Variants in ADARB1 observed in about 807,000 individuals in gnomAD.
ADARB1 encodes the protein double-stranded RNA-specific editase 1.
In ADARB1, 10 loss-of-function variants were observed where a neutral mutation model predicts 52.4. The ratio of observed to expected loss-of-function variants is 0.19; its 90% CI spans 0.12 to 0.32. The LOEUF is 0.32. Ranked by LOEUF, ADARB1 falls within the 10% of genes least tolerant of loss-of-function variation. The probability of loss-of-function intolerance (pLI) is 1.00; values close to 1 mark genes in which losing one functional copy is unlikely to be tolerated. For missense variants in ADARB1, 643 were observed against 922.3 expected, an observed-to-expected ratio of 0.70 and a Z score of 3.92; for synonymous variants, 349 against 371.1, an observed-to-expected ratio of 0.94 and a Z score of 0.68.
chr21:45,225,081 T>G lies in ADARB1; in HGVS notation c.*2884T>G. ...AAGAGAGGGCTTCTGTTGTTTTGTT[T>G]TGTTTTGTTTTGTTAACTAAACCTG... On this transcript the variant is annotated 3_prime_UTR_variant, in exon 11 of 11. Transcript: ENST00000348831. 1.0e-6 allele frequency: 1 copy of G among 986,766 alleles called. No homozygotes were observed. Among genetic ancestry groups the G allele is most frequent in the Non-Finnish European group, 1.2e-6 (1 of 832,262 alleles). 61.1% of individuals were successfully genotyped at this position (986,766 alleles called of 1,614,324 possible).
chr21:45,140,109 A>C (rs963537915), intron 2 of ADARB1, among the ~76,000 whole-genome samples: 1 of 151,906 alleles, frequency 6.6e-6, no homozygotes, highest in Non-Finnish European at 1.5e-5. Flanking sequence ...ATGCCCGGCT[A>C]ATTTTGTATT....
At chr21:45,149,775 C>T (rs906810518) in intron 2 of ADARB1, among the ~76,000 whole-genome samples, 20 of 152,208 alleles carry the variant, frequency 1.3e-4, no homozygotes, top group Non-Finnish European at 2.6e-4. Context: ...TAAGCATTTT[C>T]GGATAATGCT....
chr21:45,189,473 G>A (rs2092218601), intron 8 of ADARB1, among the ~76,000 whole-genome samples: 1 of 151,964 alleles, frequency 6.6e-6, no homozygotes, highest in Non-Finnish European at 1.5e-5. Context: ...TAAATTTTAT[G>A]CACCAAAATT....
chr21:45,135,568 C>T (rs557674996), intron 2 of ADARB1, among the ~76,000 whole-genome samples: 31 of 152,150 alleles, frequency 2.0e-4, no homozygotes, highest in African/African-American at 6.0e-4. Flanking sequence ...ACCTCAAAAC[C>T]GTGAGCGGTA....
Position 45,170,110 on chromosome 21 carries a change from G to A in ADARB1, c.-47-1500G>A, listed in dbSNP as rs1251856193. ...TATCAAGAACTCTGCATGCCCGTCA[G>A]CCACATCAGTAATTACCAACCAGGG... On this transcript the variant is annotated intron_variant, in intron 2 of 10. Coordinates refer to ENST00000348831, the MANE Select transcript of ADARB1 (RefSeq NM_001112.4). Among the ~76,000 whole-genome samples, 25 of 152,190 alleles carry A rather than the reference G, an allele frequency of 1.6e-4. 1 individual carries two copies. Among genetic ancestry groups the A allele is most frequent in the Admixed American group, 1.6e-3 (24 of 15,286 alleles).
intron 8 of ADARB1, among the ~76,000 whole-genome samples, chr21:45,199,356 A>G (rs966600750): frequency 6.6e-6 from 1 of 152,060 alleles, no homozygotes; most frequent in Non-Finnish European, 1.5e-5. Context: ...ACAGGGCTCC[A>G]CTCGCTATGG....
intron 1 of ADARB1, among the ~76,000 whole-genome samples, chr21:45,080,238 C>G (rs1465499366): frequency 2.0e-5 from 3 of 152,036 alleles, no homozygotes. Flanking sequence ...CTGGAGGGGA[C>G]ATGGGTACAG....
At chr21:45,120,194 G>C (rs1048049175) in intron 1 of ADARB1, among the ~76,000 whole-genome samples, 6 of 152,218 alleles carry the variant, frequency 3.9e-5, no homozygotes, top group African/African-American at 1.4e-4. Flanking sequence ...CCAAAGAAAG[G>C]ATTGGGTTTT....
At chr21:45,171,369 G>A (rs79843064) in intron 2 of ADARB1, among the ~76,000 whole-genome samples, 10,109 of 152,196 alleles carry the variant, frequency 0.066, 495 homozygotes, top group East Asian at 0.15. Flanking sequence ...GAGAATCCAC[G>A]CGAGACGTCC....
chr21:45,110,784 C>A (rs1204256443), intron 1 of ADARB1, among the ~76,000 whole-genome samples: 3 of 152,126 alleles, frequency 2.0e-5, no homozygotes, highest in African/African-American at 4.8e-5. Flanking sequence ...ATCTCATGGA[C>A]AGAAAGCCAA....
At chr21:45,078,682 C>A (rs1294483141) in intron 1 of ADARB1, among the ~76,000 whole-genome samples, 3 of 152,194 alleles carry the variant, frequency 2.0e-5, no homozygotes, top group African/African-American at 7.2e-5. Flanking sequence ...TGGAGGAGAG[C>A]TGCATCTTGG....
intron 1 of ADARB1, among the ~76,000 whole-genome samples, chr21:45,087,863 T>C (rs1249427856): frequency 6.6e-6 from 1 of 152,196 alleles, no homozygotes; most frequent in Non-Finnish European, 1.5e-5. Context: ...GACTGGATTC[T>C]GTGAGGCTGA....
At chr21:45,196,399 C>A (rs1323179812) in intron 8 of ADARB1, among the ~76,000 whole-genome samples, 1 of 151,954 alleles carries the variant, frequency 6.6e-6, no homozygotes, top group African/African-American at 2.4e-5. Flanking sequence ...GACCTAAATG[C>A]ATAAAAATTC....
rs1427718858 is a variant in ADARB1, at chr21:45,225,662, G to A, written c.*3465G>A. 2 of 1,014,750 alleles carry A rather than the reference G, an allele frequency of 2.0e-6. No homozygotes were observed. Among genetic ancestry groups the A allele is most frequent in the South Asian group, 8.0e-5 (2 of 25,058 alleles). 62.9% of individuals were successfully genotyped at this position (1,014,750 alleles called of 1,614,324 possible). On this transcript the variant is annotated 3_prime_UTR_variant, in exon 11 of 11. Coordinates refer to ENST00000348831, the MANE Select transcript of ADARB1 (RefSeq NM_001112.4). ...TGCCCATGTCTCAAAACAAACACAT[G>A]TACAGTGGCTCTTTTTCCTTCTCAA...
At chr21:45,154,896 A>AC (rs2090476527) in intron 2 of ADARB1, among the ~76,000 whole-genome samples, 1 of 152,196 alleles carries the variant, frequency 6.6e-6, no homozygotes, top group Admixed American at 6.5e-5. Flanking sequence ...CGCTTCCTGC[A>AC]CCCAGCCAGT....
chr21:45,190,166 A>G (rs1006122554), intron 8 of ADARB1, among the ~76,000 whole-genome samples: 6 of 151,996 alleles, frequency 3.9e-5, no homozygotes, highest in African/African-American at 1.5e-4. Flanking sequence ...CCTCTGACTC[A>G]GTGATTTCAA....
intron 1 of ADARB1, among the ~76,000 whole-genome samples, chr21:45,084,285 T>C (rs772158287): frequency 1.3e-5 from 2 of 152,236 alleles, no homozygotes; most frequent in Admixed American, 6.5e-5. Context: ...TCCTGTCTAA[T>C]GGTAGGTGGT....
At chr21:45,178,188 G>A (rs530037963) in intron 4 of ADARB1, among the ~76,000 whole-genome samples, 34 of 152,334 alleles carry the variant, frequency 2.2e-4, no homozygotes, top group African/African-American at 7.2e-4. Context: ...GACGCAGATC[G>A]AAGTGCCAGT....
At chr21:45,123,683 C>T (rs1569033613) in intron 1 of ADARB1, among the ~76,000 whole-genome samples, 1 of 152,160 alleles carries the variant, frequency 6.6e-6, no homozygotes, top group African/African-American at 2.4e-5. Flanking sequence ...TCACTGCAGC[C>T]TTGAACTCCC....
Sources: allele counts gnomAD v4.1 joint callset (sites outside exome capture counted in the v4.1 genomes callset), GRCh38; gene constraint gnomAD v4.1.1; transcripts MANE v1.5; gene names NCBI Gene and HGNC (gene_info 2026-07-23, HGNC 2026-07-21).